Variants in PC observed in about 807,000 individuals in gnomAD.
PC encodes pyruvate carboxylase, mitochondrial.
A neutral mutation model predicts 107.8 loss-of-function variants in PC; 46 were observed. The ratio of observed to expected loss-of-function variants is 0.43; its 90% CI spans 0.34 to 0.55. The LOEUF (loss-of-function observed/expected upper bound fraction) is 0.55, where lower values mean the gene tolerates loss of function less well. PC is among the 20% of genes least tolerant of loss of function. PC has a pLI of 0.04. For missense variants in PC, 1,241 were observed against 1,643.1 expected, an observed-to-expected ratio of 0.76 and a Z score of 4.23; for synonymous variants, 662 against 684.7, an observed-to-expected ratio of 0.97 and a Z score of 0.52.
intron 3 of PC, among the ~76,000 whole-genome samples, chr11:66,945,431 C>G (rs76060760): frequency 2.7e-5 from 2 of 74,844 alleles, no homozygotes; most frequent in African/African-American, 4.5e-5. Context: ...GGGGGCGGGT[C>G]GGAACTGCAG....
At chr11:66,952,758 G>T (rs555153525) in intron 2 of PC, among the ~76,000 whole-genome samples, 1 of 152,248 alleles carries the variant, frequency 6.6e-6, no homozygotes, top group South Asian at 2.1e-4. Flanking sequence ...GGTCAGGCTG[G>T]TCTCGAACTC....
Position 66,849,626 on chromosome 11 carries a change from G to T in PC, c.3132C>A (p.Ile1044=). ...AGCCACTGACCTCAAACTCCTCTGC[G>T]ATCTTGGGTCCCTGCAGGAAGAGGC... ...NTRLFLQGPK[I]AEEFEVELER... Residue 1044 remains isoleucine (I), a synonymous_variant, in exon 21 of 23, where the codon ATC becomes ATA. Coordinates refer to ENST00000393960, the MANE Select transcript of PC (RefSeq NM_001040716.2). 2 of 1,614,164 alleles carry T rather than the reference G, an allele frequency of 1.2e-6. No individual in the cohort carries two copies. The highest frequency in any genetic ancestry group is 4.5e-5 in the East Asian group (2 of 44,888).
intron 3 of PC, among the ~76,000 whole-genome samples, chr11:66,893,602 CATTTAACAACTGGAAAATT>C (rs1196363063): frequency 2.6e-5 from 4 of 152,142 alleles, no homozygotes; most frequent in Admixed American, 2.0e-4. Flanking sequence ...TTGAGAATCT[CATTTAACAACTGGAAAATT>C]ATTCTTTTGT....
At chr11:66,851,378 A>G (rs758943847) in intron 16 of PC, 98 bp from the exon 17 acceptor site, 39 of 1,549,670 alleles carry the variant, frequency 2.5e-5, no homozygotes, top group Non-Finnish European at 3.3e-5. Flanking sequence ...CCCCTGGGGA[A>G]TGAGATCTGA....
At chr11:66,875,145 T>C (rs1946924527) in intron 3 of PC, among the ~76,000 whole-genome samples, 1 of 146,948 alleles carries the variant, frequency 6.8e-6, no homozygotes, top group African/African-American at 2.6e-5. Context: ...AGGATCTCTC[T>C]GGACTGGCGA....
rs766680971 is a variant in PC at position 66,871,308 on chromosome 11, T to C, written c.487+7A>G. 12 of 1,614,034 alleles carry C rather than the reference T, an allele frequency of 7.4e-6. No individual in the cohort carries two copies. Among genetic ancestry groups the C allele is most frequent in the Middle Eastern group, 1.6e-4 (1 of 6,062 alleles). ...GGGGCCACCCCTTGCTTGCCCGTTA[T>C]ATTCACCCGCAGCAATGGCGATGGC... is the stretch of plus-strand genomic sequence containing the variant. On this transcript the variant is annotated splice_region_variant and intron_variant, in intron 6 of 22. Coordinates refer to ENST00000393960, the MANE Select transcript of PC (RefSeq NM_001040716.2). This position sits in a 1 kb window ranked among gnomAD's most constrained non-coding sequence, Gnocchi z 7.4.
intron 2 of PC, among the ~76,000 whole-genome samples, chr11:66,953,937 A>G (rs1436569765): frequency 1.3e-5 from 2 of 152,216 alleles, no homozygotes; most frequent in African/African-American, 4.8e-5. Flanking sequence ...TGATAATCAC[A>G]TTATGTGTAT....
In PC at chr11:66,852,011, G is replaced by T. The variant is rs113307072; in HGVS notation, c.1826-65C>A. On this transcript the variant is annotated intron_variant, in intron 15 of 22. Coordinates refer to ENST00000393960, the MANE Select transcript of PC (RefSeq NM_001040716.2). The surrounding 1 kb of genome is among the most constrained non-coding windows in gnomAD (Gnocchi z 4.7). The stretch of plus-strand genomic sequence containing the variant: ...CTGGGGAACTCCACCAGGCCTTGGA[G>T]CTAGCTCTGCAGCACAAGCCTCTGG... 1.1e-5 allele frequency: 17 copies of T among 1,540,994 alleles called. 1 individual carries two copies. The African/African-American group carries it at 1.4e-4, about 12-fold the overall frequency.
At chr11:66,886,938 G>A (rs1007548803) in intron 3 of PC, among the ~76,000 whole-genome samples, 2 of 152,164 alleles carry the variant, frequency 1.3e-5, no homozygotes, top group African/African-American at 4.8e-5. Flanking sequence ...AGAACCTAGG[G>A]TCCTGCCTTT....
At position 66,848,964 on chromosome 11, in the gene PC, G is replaced by C. The variant is rs143777875; in HGVS notation, c.3472C>G (p.Arg1158Gly). The change falls in exon 23 of 23, where the codon CGC (arginine) becomes GGC (glycine). Residue 1158 changes from arginine to glycine, a missense_variant. By Grantham distance (125) the Arg-to-Gly change is moderately radical. Transcript: ENST00000393960. ...VVTSPMEGTVRKVHVTKDMTL... is the reference protein window; with the variant it reads ...VVTSPMEGTVGKVHVTKDMTL... ...ATGTCCTTGGTCACATGAACCTTGC[G>C]GACAGTACCCTCCATGGGTGAGGTC... 6.2e-6 allele frequency: 10 copies of C among 1,613,952 alleles called. No homozygotes were observed. The African/African-American group carries it at 1.3e-4, about 22-fold the overall frequency.
chr11:66,858,311 C>G lies in PC; in HGVS notation c.1369-4928G>C. 1 of 1,609,664 alleles carries G rather than the reference C, an allele frequency of 6.2e-7. No individual in the cohort carries two copies. ...TTGACGCACTGCCCCCAGGCGCCTT[C>G]GCCCAGCTCGGTCAGCTCTCCCGCC... On this transcript the variant is annotated intron_variant, in intron 12 of 22. Coordinates refer to ENST00000393960, the MANE Select transcript of PC (RefSeq NM_001040716.2). The surrounding 1 kb of genome is among the most constrained non-coding windows in gnomAD (Gnocchi z 5.9).
Position 66,850,800 on chromosome 11 carries a change from T to G in PC, c.2347A>C (p.Met783Leu), listed in dbSNP as rs767363162. 3.8e-5 allele frequency: 62 copies of G among 1,611,402 alleles called. No individual in the cohort carries two copies. The highest frequency in any genetic ancestry group is 5.1e-5 in the Non-Finnish European group (60 of 1,179,962). Reference sequence around the variant, plus strand: ...GCTCCAGCCTGGGCACAGGCCAGCATGGCTGCCACGCCTGCCCCTGACGTG... The same window carrying G: ...GCTCCAGCCTGGGCACAGGCCAGCAGGGCTGCCACGCCTGCCCCTGACGTG... ...HDTSGAGVAAMLACAQAGADV... is the reference protein window; with the variant it reads ...HDTSGAGVAALLACAQAGADV... The change falls in exon 18 of 23, where the codon ATG (methionine) becomes CTG (leucine). Residue 783 changes from methionine (M) to leucine (L), a missense_variant. Met to Leu is a conservative substitution (Grantham distance 15). This residue lies in a region of PC where 1,143 missense variants were observed against 1,551.9 expected (regional missense o/e 0.74). Coordinates refer to ENST00000393960, the MANE Select transcript of PC (RefSeq NM_001040716.2).
intron 3 of PC, among the ~76,000 whole-genome samples, chr11:66,886,056 C>A (rs1947348327): frequency 1.3e-5 from 2 of 152,124 alleles, no homozygotes. Context: ...CTGGGGCAGG[C>A]TGAGTGAGAG....
intron 3 of PC, among the ~76,000 whole-genome samples, chr11:66,897,265 A>T (rs2136030717): frequency 6.6e-6 from 1 of 152,216 alleles, no homozygotes. Flanking sequence ...CATGTACTTG[A>T]TTATCTATTC....
chr11:66,896,006 C>G (rs1947747129), intron 3 of PC, among the ~76,000 whole-genome samples: 1 of 152,166 alleles, frequency 6.6e-6, no homozygotes, highest in African/African-American at 2.4e-5. Context: ...GACTTCTTAG[C>G]AGTTTCAGAA....
intron 12 of PC, among the ~76,000 whole-genome samples, chr11:66,855,660 G>A (rs1382268055): frequency 1.3e-5 from 2 of 152,216 alleles, no homozygotes; most frequent in South Asian, 4.1e-4. Flanking sequence ...GCACATCAGA[G>A]TTGACCTGCA....
intron 3 of PC, among the ~76,000 whole-genome samples, chr11:66,939,804 C>CAAAAAAAAAAAAAAAAAAAAAACAAA (rs1949081756): frequency 5.0e-5 from 2 of 40,162 alleles, no homozygotes; most frequent in Non-Finnish European, 4.2e-5. Flanking sequence ...AACTCCGTCT[C>CAAAAAAAAAAAAAAAAAAAAAACAAA]AAAAAAAAAA....
intron 3 of PC, among the ~76,000 whole-genome samples, chr11:66,898,730 A>G (rs1947848940): frequency 6.6e-6 from 1 of 152,164 alleles, no homozygotes; most frequent in Non-Finnish European, 1.5e-5. Flanking sequence ...ATTCACAGAT[A>G]TGTGCATCTA....
chr11:66,956,563 C>T (rs549937320), intron 1 of PC, among the ~76,000 whole-genome samples: 3 of 152,144 alleles, frequency 2.0e-5, no homozygotes, highest in Non-Finnish European at 2.9e-5. Context: ...CCAGCCTGGG[C>T]GACAAGAGCG....
Sources: gnomAD v4.1 joint callset for allele counts (sites outside exome capture counted in the v4.1 genomes callset) on GRCh38, gnomAD v4.1.1 for gene constraint, gnomAD v4.1.1 regional missense constraint, Gnocchi (gnomAD v3.1) non-coding constraint, MANE v1.5 for transcripts, NCBI Gene and HGNC (gene_info 2026-07-23, HGNC 2026-07-21) for gene names.